ACACB: variants seen among roughly 807,000 people sequenced by gnomAD.
The protein encoded by ACACB is acetyl-CoA carboxylase beta, also known as acetyl-CoA carboxylase 2.
Under a neutral mutation model 278.8 loss-of-function variants are expected in ACACB, and 209 were observed. The ratio of observed to expected loss-of-function variants is 0.75; its 90% CI spans 0.67 to 0.84. The LOEUF is 0.84. Ranked by LOEUF, ACACB falls within the 40% of genes least tolerant of loss-of-function variation. ACACB has a pLI of 0.00. For missense variants in ACACB, 2,850 were observed against 3,269.0 expected (o/e 0.87, Z 3.13); for synonymous variants, 1,174 against 1,285.6 (o/e 0.91, Z 1.86).
rs1489140239 is a variant in ACACB at position 109,179,899 on chromosome 12, CTT to C, written c.1648-16_1648-15del. On this transcript the variant is annotated splice_polypyrimidine_tract_variant and intron_variant, in intron 10 of 52. Transcript: ENST00000338432. ...AAGACCTCTGGAACCCCCTTGGCCT[CTT>C]TCTGTTTCTTCACAGTGTGCCATCC... The C allele has an allele frequency of 6.3e-7, 1 of 1,594,218 alleles. No homozygotes were observed. Among genetic ancestry groups the C allele is most frequent in the African/African-American group, 1.3e-5 (1 of 74,572 alleles).
intron 2 of ACACB, among the ~76,000 whole-genome samples, chr12:109,145,186 T>C (rs2043212603): frequency 6.6e-6 from 1 of 152,170 alleles, no homozygotes; most frequent in African/African-American, 2.4e-5. Flanking sequence ...AACTGGTCAG[T>C]TTCAAAGTTC....
chr12:109,254,098 G>A, intron 43 of ACACB, 116 bp from the exon 44 acceptor site: 1 of 1,270,772 alleles, frequency 7.9e-7, no homozygotes. Flanking sequence ...GGAGCCCTAG[G>A]GAGGGGATAT....
chr12:109,148,712 C>G (rs955296413), intron 2 of ACACB, among the ~76,000 whole-genome samples: 2 of 152,076 alleles, frequency 1.3e-5, no homozygotes, highest in African/African-American at 4.8e-5. Context: ...GGATTATGGA[C>G]TATATATAAC....
At chr12:109,164,894 T>G (rs1351605289) in intron 2 of ACACB, among the ~76,000 whole-genome samples, 1 of 151,710 alleles carries the variant, frequency 6.6e-6, no homozygotes, top group Non-Finnish European at 1.5e-5. Flanking sequence ...TGAATAGCCT[T>G]TCTTAGAAAG....
At chr12:109,167,542 T>G (rs1383924257) in intron 3 of ACACB, among the ~76,000 whole-genome samples, 1 of 147,530 alleles carries the variant, frequency 6.8e-6, no homozygotes, top group Non-Finnish European at 1.5e-5. Flanking sequence ...GAAGCTGCAG[T>G]GAGCTGTGAT....
In ACACB at chr12:109,232,767, G is replaced by A; in HGVS notation, c.4100G>A (p.Gly1367Glu). Residue 1367 changes from glycine to glutamate, a missense_variant, in exon 29 of 53, where the codon GGA becomes GAA. Gly to Glu is a moderately conservative substitution (Grantham distance 98, BLOSUM62 -2). Around this residue, in one of 3 missense-constraint regions of ACACB, gnomAD observed 2,265 missense variants for 2,561.3 expected, o/e 0.88. Coordinates refer to ENST00000338432, the MANE Select transcript of ACACB (RefSeq NM_001093.4). ...SGFSPLCQRMGAMVAFRRFED... is the reference protein window; with the variant it reads ...SGFSPLCQRMEAMVAFRRFED... ...TTCTCCCCACTGTGCCAGCGCATGG[G>A]AGCCATGGTAGCCTTCAGGAGATTC... is the stretch of plus-strand genomic sequence containing the variant. 1 of 1,614,106 alleles carries A rather than the reference G, an allele frequency of 6.2e-7. No homozygotes were observed. The highest frequency in any genetic ancestry group is 8.5e-7 in the Non-Finnish European group (1 of 1,180,028).
At chr12:109,215,105 A>C (rs1479600455) in intron 22 of ACACB, among the ~76,000 whole-genome samples, 1 of 141,632 alleles carries the variant, frequency 7.1e-6, no homozygotes, top group South Asian at 2.2e-4. Context: ...CAAAAAAAAG[A>C]AAAAAAAAAA....
chr12:109,237,943 C>T (rs2046677612), intron 34 of ACACB, among the ~76,000 whole-genome samples: 1 of 146,450 alleles, frequency 6.8e-6, no homozygotes, highest in Non-Finnish European at 1.5e-5. Flanking sequence ...ACCTGAGAGG[C>T]GGAGGTTGCA....
chr12:109,154,451 T>G (rs532956265), intron 2 of ACACB, among the ~76,000 whole-genome samples: 18 of 152,358 alleles, frequency 1.2e-4, no homozygotes, highest in African/African-American at 3.1e-4. Flanking sequence ...GCTGCCAATA[T>G]GTAGGGGTGT....
intron 1 of ACACB, among the ~76,000 whole-genome samples, chr12:109,129,100 GA>G (rs1270096037): frequency 6.9e-6 from 1 of 144,382 alleles, no homozygotes; most frequent in Non-Finnish European, 1.5e-5. Context: ...ACCCTGTCTC[GA>G]AAAAAATAAA....
rs762436207 is a variant in ACACB, at chr12:109,176,211, A to C, written c.1385A>C (p.Lys462Thr). The change falls in exon 9 of 53, where the codon AAG becomes ACG. Residue 462 changes from lysine (K) to threonine (T), a missense_variant. Physicochemically the swap from Lys to Thr is moderately conservative, Grantham distance 78 (BLOSUM62 -1). Transcript: ENST00000338432. The part of the protein sequence containing the change: ...MIKASEGGGG[K>T]GIRKAESAED... ...AAAGCTTCTGAAGGTGGCGGAGGGA[A>C]GGGAATCCGGAAGGCTGAGAGTGCG... 2 of 1,614,070 alleles carry C rather than the reference A, an allele frequency of 1.2e-6. No homozygotes were observed. Among genetic ancestry groups the C allele is most frequent in the Non-Finnish European group, 1.7e-6 (2 of 1,180,038 alleles).
chr12:109,223,538 C>T (rs2046235497), intron 26 of ACACB, among the ~76,000 whole-genome samples: 2 of 152,138 alleles, frequency 1.3e-5, no homozygotes, highest in African/African-American at 2.4e-5. Flanking sequence ...TGGAGGATCA[C>T]TTAAGCCCAG....
Position 109,258,254 on chromosome 12 carries a change from T to C in ACACB, c.6264-14T>C. On this transcript the variant is annotated splice_polypyrimidine_tract_variant and intron_variant, in intron 45 of 52. Transcript: ENST00000338432. The stretch of plus-strand genomic sequence containing the variant: ...TGCTGCCCAGGGCCTGGCTCACTGG[T>C]GCTCATTTTCCAGGCTTGGGGGGAT... 6.2e-7 allele frequency: 1 copy of C among 1,607,660 alleles called. No homozygotes were observed. The highest frequency in any genetic ancestry group is 8.5e-7 in the Non-Finnish European group (1 of 1,177,194).
chr12:109,237,412 CAG>C, intron 34 of ACACB, 32 bp downstream of exon 34: 1 of 1,576,084 alleles, frequency 6.3e-7, no homozygotes, highest in Non-Finnish European at 8.6e-7. Context: ...CTTCCTCTCT[CAG>C]AACCTGGCCC....
At chr12:109,169,751 CTG>C (rs1162368687) in intron 4 of ACACB, among the ~76,000 whole-genome samples, 3 of 152,156 alleles carry the variant, frequency 2.0e-5, no homozygotes, top group Non-Finnish European at 4.4e-5. Flanking sequence ...TGACCGGAGT[CTG>C]TAGTTATTGT....
intron 2 of ACACB, among the ~76,000 whole-genome samples, chr12:109,156,395 A>T (rs1260719116): frequency 6.6e-6 from 1 of 151,932 alleles, no homozygotes; most frequent in Non-Finnish European, 1.5e-5. Context: ...GAGGATGGTG[A>T]TGCATGCCTG....
At chr12:109,195,561 C>G (rs2136303497) in intron 16 of ACACB, among the ~76,000 whole-genome samples, 1 of 152,272 alleles carries the variant, frequency 6.6e-6, no homozygotes, top group South Asian at 2.1e-4. Context: ...AAAACAAATC[C>G]ATCATGTGCT....
intron 22 of ACACB, among the ~76,000 whole-genome samples, chr12:109,215,723 G>T (rs1358207124): frequency 1.3e-5 from 2 of 151,786 alleles, no homozygotes; most frequent in African/African-American, 2.4e-5. Context: ...CGAGAATCGT[G>T]CCACCGCACT....
intron 2 of ACACB, among the ~76,000 whole-genome samples, chr12:109,156,961 G>T (rs994480574): frequency 6.6e-6 from 1 of 151,982 alleles, no homozygotes; most frequent in African/African-American, 2.4e-5. Context: ...CCACTGTGGG[G>T]GCACTAAGTG....
Sources: gnomAD v4.1 joint callset for allele counts (sites outside exome capture counted in the v4.1 genomes callset) on GRCh38, gnomAD v4.1.1 for gene constraint, gnomAD v4.1.1 regional missense constraint, MANE v1.5 for transcripts, NCBI Gene and HGNC (gene_info 2026-07-23, HGNC 2026-07-21) for gene names.